PITPNC1: variants seen among roughly 807,000 people sequenced by gnomAD.
PITPNC1 encodes the protein cytoplasmic phosphatidylinositol transfer protein 1.
A neutral mutation model predicts 44.7 loss-of-function variants in PITPNC1; 18 were observed. The ratio of observed to expected loss-of-function variants is 0.40; its 90% confidence interval spans 0.28 to 0.60. The LOEUF (loss-of-function observed/expected upper bound fraction) is 0.60, where lower values mean the gene tolerates loss of function less well. Ranked by LOEUF, PITPNC1 falls within the 20% of genes least tolerant of loss-of-function variation. The pLI is 0.39. For synonymous variants in PITPNC1, 141 were observed against 149.6 expected, an observed-to-expected ratio of 0.94 and a Z score of 0.42; for missense variants, 290 against 418.4, an observed-to-expected ratio of 0.69 and a Z score of 2.68.
intron 1 of PITPNC1, among the ~76,000 whole-genome samples, chr17:67,514,814 A>C (rs2040237065): frequency 6.6e-6 from 1 of 152,106 alleles, no homozygotes; most frequent in Admixed American, 6.5e-5. Flanking sequence ...TGACAGAGCA[A>C]GACTCAGCTC....
At chr17:67,429,102 A>C (rs985089782) in intron 1 of PITPNC1, among the ~76,000 whole-genome samples, 1 of 152,004 alleles carries the variant, frequency 6.6e-6, no homozygotes, top group African/African-American at 2.4e-5. Flanking sequence ...TGGCCTCCCA[A>C]AGTGCTGGGA....
At chr17:67,414,435 C>T (rs186874683) in intron 1 of PITPNC1, among the ~76,000 whole-genome samples, 1 of 151,630 alleles carries the variant, frequency 6.6e-6, no homozygotes, top group East Asian at 1.9e-4. Flanking sequence ...ATGAAAAAAG[C>T]CCCACCCCCC....
chr17:67,502,667 G>A (rs2040047241), intron 1 of PITPNC1, among the ~76,000 whole-genome samples: 1 of 152,096 alleles, frequency 6.6e-6, no homozygotes, highest in Non-Finnish European at 1.5e-5. Context: ...ATTATTGAGA[G>A]GATCTGACAG....
At chr17:67,400,573 T>C (rs2038292391) in intron 1 of PITPNC1, among the ~76,000 whole-genome samples, 1 of 152,176 alleles carries the variant, frequency 6.6e-6, no homozygotes, top group African/African-American at 2.4e-5. Flanking sequence ...CTCTTTCAAG[T>C]AGTGCCGTGC....
At position 67,508,554 on chromosome 17, in the gene PITPNC1, C is replaced by T. The variant is rs1339207619; in HGVS notation, c.49-24248C>T. On this transcript the variant is annotated intron_variant, in intron 1 of 8. Transcript: ENST00000581322. This position sits in a 1 kb window ranked among gnomAD's most constrained non-coding sequence, Gnocchi z 4.2. ...CTGTTTTTTTATGACCTGTATCTCA[C>T]GCCGACCTTCTGTCTCATCCTGTGA... 6.6e-6 allele frequency among the ~76,000 whole-genome samples: 1 copy of T among 152,116 alleles called. No homozygotes were observed. Among genetic ancestry groups the T allele is most frequent in the African/African-American group, 2.4e-5 (1 of 41,420 alleles).
chr17:67,403,349 A>G (rs1356213298), intron 1 of PITPNC1, among the ~76,000 whole-genome samples: 1 of 151,872 alleles, frequency 6.6e-6, no homozygotes, highest in Non-Finnish European at 1.5e-5. Flanking sequence ...CTACTTCCTC[A>G]TTTGTTTTGA....
At chr17:67,454,636 T>G (rs1356177571) in intron 1 of PITPNC1, among the ~76,000 whole-genome samples, 1 of 152,078 alleles carries the variant, frequency 6.6e-6, no homozygotes, top group Non-Finnish European at 1.5e-5. Flanking sequence ...GATGATTGCT[T>G]TTTTCCTAAT....
chr17:67,425,193 G>GCGCGCGCGCGCGCGCACACACA (rs1160522771), intron 1 of PITPNC1, among the ~76,000 whole-genome samples: 1 of 52,116 alleles, frequency 1.9e-5, no homozygotes, highest in African/African-American at 1.0e-4. Flanking sequence ...TTGTGCGCGC[G>GCGCGCGCGCGCGCGCACACACA]CACGCACACG....
Position 67,495,708 on chromosome 17 carries a change from G to A in PITPNC1, c.49-37094G>A, listed in dbSNP as rs142433304. Among the ~76,000 whole-genome samples, 275 of 152,332 alleles carry A rather than the reference G, an allele frequency of 1.8e-3. 1 individual carries two copies. The highest frequency in any genetic ancestry group is 6.1e-3 in the African/African-American group (255 of 41,588). ...CTCCATCCATGTTCTTGCAAAGGAC[G>A]TGATCTCAATTCCTTTTTGTGGCTG... On this transcript the variant is annotated intron_variant, in intron 1 of 8. Transcript: ENST00000581322.
At chr17:67,549,267 A>G (rs1361533352) in intron 2 of PITPNC1, among the ~76,000 whole-genome samples, 1 of 152,150 alleles carries the variant, frequency 6.6e-6, no homozygotes, top group East Asian at 1.9e-4. Flanking sequence ...CAGCCTGGTC[A>G]ACATGGCGAA....
rs181265774 is a variant in PITPNC1 at position 67,410,885 on chromosome 17, C to T, written c.48+32683C>T. 2.6e-5 allele frequency among the ~76,000 whole-genome samples: 4 copies of T among 151,870 alleles called. No individual in the cohort carries two copies. In the East Asian group the frequency reaches 7.9e-4, roughly 30 times the overall value. ...GGATCACAAGGTCAGGAGTTCAAGA[C>T]CAGCCTGGCCAAGTTGGTGAAACCC... On this transcript the variant is annotated intron_variant, in intron 1 of 8. Coordinates refer to ENST00000581322, the MANE Select transcript of PITPNC1 (RefSeq NM_012417.4).
intron 1 of PITPNC1, among the ~76,000 whole-genome samples, chr17:67,389,242 C>T (rs1247071506): frequency 1.3e-5 from 2 of 152,254 alleles, no homozygotes; most frequent in South Asian, 2.1e-4. Flanking sequence ...CTAGCAGGAG[C>T]TTCTACTGCA....
At chr17:67,607,452 A>G (rs1354607941) in intron 5 of PITPNC1, among the ~76,000 whole-genome samples, 2 of 152,070 alleles carry the variant, frequency 1.3e-5, no homozygotes, top group African/African-American at 4.8e-5. Context: ...GTTGTAAGCA[A>G]CTCTCAGAGG....
At chr17:67,551,211 T>A (rs1393049077) in intron 2 of PITPNC1, among the ~76,000 whole-genome samples, 1 of 152,180 alleles carries the variant, frequency 6.6e-6, no homozygotes, top group African/African-American at 2.4e-5. Context: ...AACAAAACAT[T>A]GCTTTCTGGT....
chr17:67,686,215 G>A (rs79224360), intron 8 of PITPNC1, among the ~76,000 whole-genome samples: 4,760 of 149,428 alleles, frequency 0.032, 230 homozygotes, highest in African/African-American at 0.11. Context: ...TTTTGTTGGG[G>A]GCTGGGGGTC....
rs10524740 is a variant in PITPNC1, at chr17:67,631,657, A to ATATATATATAT, written c.367-486_367-485insTATATATATAT. 7.6e-3 allele frequency among the ~76,000 whole-genome samples: 58 copies of ATATATATATAT among 7,662 alleles called. 6 individuals are homozygous for ATATATATATAT. Among genetic ancestry groups the ATATATATATAT allele is most frequent in the African/African-American group, 0.02 (54 of 2,698 alleles). The allele number at this position is 7,662 out of a possible 152,430, so 5.0% of individuals were successfully genotyped here. A position where few individuals can be genotyped will look rare whatever the true frequency, so the allele number is the denominator to read the frequency against. On this transcript the variant is annotated intron_variant, in intron 5 of 8. Transcript: ENST00000581322. ...AACCAAAAAAAAAAAAAAAAAAAAA[A>ATATATATATAT]ATATATATATATATAAAATATATAT... is the stretch of plus-strand genomic sequence containing the variant.
At position 67,526,249 on chromosome 17, in the gene PITPNC1, G is replaced by A. The variant is rs116193483; in HGVS notation, c.49-6553G>A. Among the ~76,000 whole-genome samples the A allele has an allele frequency of 4.4e-3, 664 of 152,268 alleles. 3 individuals carry two copies. The highest frequency in any genetic ancestry group is 0.015 in the African/African-American group (641 of 41,542). On this transcript the variant is annotated intron_variant, in intron 1 of 8. Coordinates refer to ENST00000581322, the MANE Select transcript of PITPNC1 (RefSeq NM_012417.4). ...GCTGGCTTTGCAGAAACTCTGGGAC[G>A]CAGCAGTTGGGGAAGGGTGAAGTGA...
At chr17:67,452,863 T>G (rs902526229) in intron 1 of PITPNC1, among the ~76,000 whole-genome samples, 7 of 152,240 alleles carry the variant, frequency 4.6e-5, no homozygotes, top group Non-Finnish European at 8.8e-5. Flanking sequence ...CTTGCATTTT[T>G]TTACTCTCAC....
chr17:67,563,911 T>C (rs1247799374), intron 4 of PITPNC1, among the ~76,000 whole-genome samples: 1 of 152,040 alleles, frequency 6.6e-6, no homozygotes, highest in African/African-American at 2.4e-5. Context: ...ATAGATTAGA[T>C]AGCTAGATTA....
Sources: allele counts gnomAD v4.1 joint callset (sites outside exome capture counted in the v4.1 genomes callset), GRCh38; gene constraint gnomAD v4.1.1; non-coding constraint Gnocchi (gnomAD v3.1); transcripts MANE v1.5; gene names NCBI Gene and HGNC (gene_info 2026-07-23, HGNC 2026-07-21).